CIMAP1B: variants seen among roughly 807,000 people sequenced by gnomAD.
The protein encoded by CIMAP1B is orf2 5' to PD-ECGF/TP.
the CIMAP1B span, chr22:50,530,625 AC>A: frequency 6.4e-7 from 1 of 1,564,366 alleles, no homozygotes; most frequent in Non-Finnish European, 8.7e-7. Context: ...GGACCCCTGG[AC>A]CCCCGGGGAC....
the CIMAP1B span, chr22:50,531,948 C>A: frequency 1.5e-6 from 2 of 1,322,074 alleles, no homozygotes; most frequent in Non-Finnish European, 1.9e-6. Context: ...ACCCCTCAAT[C>A]CCGGGGCCTG....
At chr22:50,531,071 C>T in the CIMAP1B span, 1 of 1,606,016 alleles carries the variant, frequency 6.2e-7, no homozygotes, top group East Asian at 2.2e-5. Flanking sequence ...GGGGAGGAGG[C>T]AGGGCTCGGG....
At chr22:50,530,748 A>C in the CIMAP1B span, 3 of 1,609,296 alleles carry the variant, frequency 1.9e-6, no homozygotes, top group Non-Finnish European at 2.5e-6. Context: ...CTGGCTTCCG[A>C]GTGTTGTCTT....
At chr22:50,530,725 T>G in the CIMAP1B span, 1 of 1,611,928 alleles carries the variant, frequency 6.2e-7, no homozygotes, top group African/African-American at 1.3e-5. Flanking sequence ...ATCCACGTTG[T>G]AGGCCGCGGG....
chr22:50,530,884 C>G, the CIMAP1B span: 1 of 1,607,458 alleles, frequency 6.2e-7, no homozygotes, highest in Admixed American at 1.7e-5. Flanking sequence ...TGGCTGCCGC[C>G]TCCACTGCCG....
chr22:50,531,288 G>C, the CIMAP1B span: 1 of 1,608,122 alleles, frequency 6.2e-7, no homozygotes, highest in Non-Finnish European at 8.5e-7. Context: ...GCTCCGGGAA[G>C]TACCTGCCTG....
the CIMAP1B span, chr22:50,530,720 C>T: frequency 3.7e-6 from 6 of 1,611,920 alleles, no homozygotes; most frequent in Middle Eastern, 8.2e-4. Context: ...ACCTGATCCA[C>T]GTTGTAGGCC....
chr22:50,530,901 A>C, the CIMAP1B span: 1 of 1,608,668 alleles, frequency 6.2e-7, no homozygotes, highest in Non-Finnish European at 8.5e-7. Flanking sequence ...GCCGCGGACC[A>C]GGGACCCCCT....
chr22:50,531,304 C>A, the CIMAP1B span: 1 of 1,603,808 alleles, frequency 6.2e-7, no homozygotes, highest in Non-Finnish European at 8.5e-7. Flanking sequence ...GCCTGCGGGG[C>A]GGATCAAGGG....
the CIMAP1B span, chr22:50,531,207 C>A: frequency 3.7e-6 from 6 of 1,612,708 alleles, no homozygotes; most frequent in East Asian, 6.7e-5. Flanking sequence ...TCTGCTGTTC[C>A]GCCTGGACAC....
chr22:50,530,906 C>T, the CIMAP1B span: 23 of 1,609,048 alleles, frequency 1.4e-5, no homozygotes, highest in Non-Finnish European at 2.0e-5. Context: ...GGACCAGGGA[C>T]CCCCTGCGTC....
At chr22:50,531,837 C>G in the CIMAP1B span, 4 of 1,336,310 alleles carry the variant, frequency 3.0e-6, no homozygotes, top group Non-Finnish European at 3.8e-6. Flanking sequence ...AACACGGACC[C>G]TCCCCCGGCA....
At chr22:50,530,573 A>AGACACCGCTGACCTCGCGGGGCCGGC in the CIMAP1B span, 1 of 1,580,572 alleles carries the variant, frequency 6.3e-7, no homozygotes, top group African/African-American at 1.3e-5. Flanking sequence ...GCGGGCCCGG[A>AGACACCGCTGACCTCGCGGGGCCGGC]GACACCGCTG....
the CIMAP1B span, chr22:50,531,772 G>C: frequency 7.3e-7 from 1 of 1,361,362 alleles, no homozygotes; most frequent in South Asian, 1.9e-5. Context: ...GCAGGGCGTA[G>C]CCTGGGAGCA....
the CIMAP1B span, chr22:50,530,880 C>T: frequency 1.9e-6 from 3 of 1,606,090 alleles, no homozygotes; most frequent in Admixed American, 1.7e-5. Context: ...GTGCTGGCTG[C>T]CGCCTCCACT....
chr22:50,530,501 C>T, the CIMAP1B span: 1 of 1,600,258 alleles, frequency 6.2e-7, no homozygotes, highest in Non-Finnish European at 8.5e-7. Context: ...CGTCGGTCAC[C>T]AGCGGGGCCA....
chr22:50,530,752 T>G, the CIMAP1B span: 1 of 1,610,126 alleles, frequency 6.2e-7, no homozygotes, highest in Non-Finnish European at 8.5e-7. Flanking sequence ...CTTCCGAGTG[T>G]TGTCTTGGGG....
the CIMAP1B span, chr22:50,532,009 G>A: frequency 7.4e-7 from 1 of 1,359,530 alleles, no homozygotes; most frequent in Non-Finnish European, 9.5e-7. Context: ...CGGGGCCTCC[G>A]TAGTGCGCCG....
chr22:50,531,196 C>T, the CIMAP1B span: 4 of 1,612,306 alleles, frequency 2.5e-6, no homozygotes, highest in South Asian at 1.1e-5. Context: ...CTCACCTGGG[C>T]TCTGCTGTTC....
Sources: gnomAD v4.1 joint callset for allele counts on GRCh38, gnomAD v4.1.1 for gene constraint, MANE v1.5 for transcripts, NCBI Gene and HGNC (gene_info 2026-07-23, HGNC 2026-07-21) for gene names.